BPIFB3: variants seen among roughly 807,000 people sequenced by gnomAD.
BPIFB3 encodes the protein BPI fold containing family B member 3.
In BPIFB3, 49 loss-of-function variants were observed where a neutral mutation model predicts 53.1. That is an observed-to-expected ratio of 0.92 (90% CI 0.73 to 1.17). BPIFB3 has a LOEUF of 1.17. Ranked by LOEUF, BPIFB3 falls within the 50% of genes most tolerant of loss-of-function variation. BPIFB3 has a pLI of 0.00. For missense variants in BPIFB3, 628 were observed against 592.5 expected, an observed-to-expected ratio of 1.06 and a Z score of -0.62; for synonymous variants, 271 against 269.6, an observed-to-expected ratio of 1.01 and a Z score of -0.05.
intron 13 of BPIFB3, among the ~76,000 whole-genome samples, chr20:33,072,478 TTGA>T (rs1462204535): frequency 1.3e-5 from 2 of 151,972 alleles, no homozygotes; most frequent in African/African-American, 4.8e-5. Flanking sequence ...GTGTAAGGGA[TTGA>T]TGAAGCCTTT....
intron 14 of BPIFB3, among the ~76,000 whole-genome samples, chr20:33,073,238 A>G (rs572223269): frequency 1.3e-5 from 2 of 152,240 alleles, no homozygotes; most frequent in South Asian, 4.1e-4. Flanking sequence ...AACCAGCCCA[A>G]CTTTGGGTGG....
chr20:33,063,623 C>T (rs140200538), exon 6 of BPIFB3: 3 of 1,613,918 alleles, frequency 1.9e-6, no homozygotes, highest in Non-Finnish European at 1.7e-6. Context: ...AGCTGTGCCC[C>T]GTGGTGGACA....
At chr20:33,064,936 T>G in intron 8 of BPIFB3, 91 bp downstream of exon 9, 1 of 1,366,730 alleles carries the variant, frequency 7.3e-7, no homozygotes, top group Non-Finnish European at 9.9e-7. Flanking sequence ...TGATCAGCCT[T>G]GCTGAGCCCT....
chr20:33,061,431 G>T (rs1203170478), intron 4 of BPIFB3, among the ~76,000 whole-genome samples: 1 of 152,058 alleles, frequency 6.6e-6, no homozygotes, highest in Non-Finnish European at 1.5e-5. Context: ...ATTGTCCTAG[G>T]CCTAAATGTC....
downstream of BPIFB3, chr20:33,073,733 T>A: frequency 2.7e-6 from 3 of 1,114,160 alleles, no homozygotes; most frequent in Non-Finnish European, 2.6e-6. Flanking sequence ...CCTGAAGCAC[T>A]ACTCCAAGTT....
At chr20:33,066,091 T>G (rs1980660536) in intron 8 of BPIFB3, among the ~76,000 whole-genome samples, 1 of 152,198 alleles carries the variant, frequency 6.6e-6, no homozygotes, top group African/African-American at 2.4e-5. Context: ...GCATGTATGC[T>G]TATCCTGTGT....
chr20:33,055,511 A>T (rs1980158301), exon 1 of BPIFB3: 1 of 1,613,734 alleles, frequency 6.2e-7, no homozygotes, highest in Non-Finnish European at 8.5e-7. Flanking sequence ...GACGGTGGGC[A>T]CGCTCGCTCG....
exon 4 of BPIFB3, chr20:33,059,997 A>G (rs1980382192): frequency 6.2e-7 from 1 of 1,614,154 alleles, no homozygotes; most frequent in South Asian, 1.1e-5. Flanking sequence ...CAAGCGCTGC[A>G]GCACGCTCCT....
rs184894266 is a variant in BPIFB3 at position 33,067,527 on chromosome 20, G to A, written c.978+650G>A. ...GGGGCACAGAGGACAAACTCTGTGAGTTCTTGAAGTTGGTGATTCAAAGCA... is the reference window on the plus strand; with the variant it reads ...GGGGCACAGAGGACAAACTCTGTGAATTCTTGAAGTTGGTGATTCAAAGCA... On this transcript the variant is annotated intron_variant, in intron 9 of 14. Coordinates refer to ENST00000375494, the Ensembl canonical transcript of BPIFB3. Among the ~76,000 whole-genome samples the A allele has an allele frequency of 5.8e-4, 88 of 152,348 alleles. No individual in the cohort carries two copies. In the South Asian group the frequency reaches 9.5e-3, roughly 17 times the overall value.
At chr20:33,072,196 A>G in intron 13 of BPIFB3, 29 bp downstream of exon 14, 2 of 1,610,608 alleles carry the variant, frequency 1.2e-6, no homozygotes, top group Non-Finnish European at 1.7e-6. Context: ...TCTTGGACAC[A>G]TGGAGTGTCT....
intron 5 of BPIFB3, among the ~76,000 whole-genome samples, chr20:33,062,192 AATC>A: frequency 6.6e-6 from 1 of 152,374 alleles, no homozygotes; most frequent in South Asian, 2.1e-4. Flanking sequence ...TGTGCTTGGC[AATC>A]ATGTCTAGAA....
chr20:33,063,599 T>C lies in BPIFB3; in HGVS notation c.592-16T>C. The C allele has an allele frequency of 6.2e-7, 1 of 1,613,794 alleles. No individual in the cohort carries two copies. The highest frequency in any genetic ancestry group is 8.5e-7 in the Non-Finnish European group (1 of 1,179,832). On this transcript the variant is annotated splice_polypyrimidine_tract_variant and intron_variant, in intron 5 of 14. Coordinates refer to ENST00000375494, the Ensembl canonical transcript of BPIFB3. Reference sequence around the variant, plus strand: ...GAGCTCTTCTTTGCCCTGTAACATGTGTCTCCCTGACACAGCTGTGCCCCG... The same window carrying C: ...GAGCTCTTCTTTGCCCTGTAACATGCGTCTCCCTGACACAGCTGTGCCCCG...
At chr20:33,067,336 A>G (rs1980710311) in intron 9 of BPIFB3, among the ~76,000 whole-genome samples, 1 of 152,128 alleles carries the variant, frequency 6.6e-6, no homozygotes, top group Non-Finnish European at 1.5e-5. Context: ...CCATCCTTCA[A>G]CTGGGGCTGG....
At chr20:33,073,200 T>A (rs1980977075) in intron 14 of BPIFB3, among the ~76,000 whole-genome samples, 1 of 152,218 alleles carries the variant, frequency 6.6e-6, no homozygotes, top group African/African-American at 2.4e-5. Flanking sequence ...TCTTGTGGAA[T>A]ATTGATATGG....
chr20:33,066,666 A>G (rs1298036813), intron 8 of BPIFB3, among the ~76,000 whole-genome samples, 158 bp from the exon 10 acceptor site: 1 of 152,224 alleles, frequency 6.6e-6, no homozygotes, highest in Non-Finnish European at 1.5e-5. Flanking sequence ...GTGCTCAGTA[A>G]TTGCTAGCTG....
At chr20:33,059,014 C>T (rs759292746) in intron 2 of BPIFB3, among the ~76,000 whole-genome samples, 19 of 151,994 alleles carry the variant, frequency 1.3e-4, no homozygotes, top group Admixed American at 3.9e-4. Flanking sequence ...TATAGCAGGG[C>T]GCAATGTCAA....
At chr20:33,056,820 C>A in intron 2 of BPIFB3, 122 bp downstream of exon 3, 1 of 1,251,456 alleles carries the variant, frequency 8.0e-7, no homozygotes, top group Non-Finnish European at 1.1e-6. Flanking sequence ...GGGTTGTGAT[C>A]CGGGTCTAAA....
chr20:33,067,914 A>G (rs189872516), intron 9 of BPIFB3, among the ~76,000 whole-genome samples: 165 of 152,314 alleles, frequency 1.1e-3, no homozygotes, highest in African/African-American at 3.7e-3. Flanking sequence ...TCTGGGCTTG[A>G]GGAAACCTAG....
intron 6 of BPIFB3, among the ~76,000 whole-genome samples, 159 bp downstream of exon 7, chr20:33,063,834 G>A (rs1031024678): frequency 6.6e-6 from 1 of 152,232 alleles, no homozygotes; most frequent in Non-Finnish European, 1.5e-5. Flanking sequence ...GCCTCATGGA[G>A]GAGGCCTGGG....
Sources: gnomAD v4.1 joint callset for allele counts (sites outside exome capture counted in the v4.1 genomes callset) on GRCh38, gnomAD v4.1.1 for gene constraint, MANE v1.5 for transcripts, NCBI Gene and HGNC (gene_info 2026-07-23, HGNC 2026-07-21) for gene names.